The following PLD5 variants were observed in gnomAD, a reference collection of about 807,000 sequenced individuals.
PLD5 encodes the protein inactive phospholipase D5.
Under a neutral mutation model 61.1 loss-of-function variants are expected in PLD5, and 36 were observed. That is an observed-to-expected ratio of 0.59 (90% confidence interval 0.45 to 0.78). PLD5 has a LOEUF of 0.78. PLD5 is among the 30% of genes least tolerant of loss of function. The probability of loss-of-function intolerance (pLI) is 0.00; values close to 1 mark genes in which losing one functional copy is unlikely to be tolerated. For missense variants in PLD5, 515 were observed against 644.4 expected (o/e 0.80, Z 2.17); for synonymous variants, 243 against 242.8 (o/e 1.00, Z -0.01).
intron 1 of PLD5, among the ~76,000 whole-genome samples, chr1:242,391,229 A>G (rs11809951): frequency 0.28 from 41,996 of 152,076 alleles, 6,152 homozygotes; most frequent in Middle Eastern, 0.4. Context: ...CTGTTGTAGT[A>G]TTTCTGTCTG....
chr1:242,385,044 T>C (rs1171024827), intron 1 of PLD5, among the ~76,000 whole-genome samples: 3 of 152,216 alleles, frequency 2.0e-5, no homozygotes, highest in Admixed American at 6.5e-5. Flanking sequence ...CACTGGAACA[T>C]GTCAAAAGGA....
At chr1:242,155,030 A>G (rs1558280918) in intron 5 of PLD5, among the ~76,000 whole-genome samples, 1 of 152,170 alleles carries the variant, frequency 6.6e-6, no homozygotes, top group East Asian at 1.9e-4. Context: ...AGAACTTGTT[A>G]TTGATCTATT....
chr1:242,184,756 A>G (rs1015159972), intron 5 of PLD5, among the ~76,000 whole-genome samples: 1 of 152,342 alleles, frequency 6.6e-6, no homozygotes, highest in Admixed American at 6.5e-5. Flanking sequence ...TTTGGGACCC[A>G]CTGCACTATC....
chr1:242,247,262 G>C (rs1672445328), intron 4 of PLD5, among the ~76,000 whole-genome samples: 1 of 152,214 alleles, frequency 6.6e-6, no homozygotes, highest in African/African-American at 2.4e-5. Flanking sequence ...GATTACAGGC[G>C]TGAGCCACCG....
At chr1:242,471,753 A>G (rs1490643337) in intron 1 of PLD5, among the ~76,000 whole-genome samples, 1 of 152,192 alleles carries the variant, frequency 6.6e-6, no homozygotes, top group Non-Finnish European at 1.5e-5. Flanking sequence ...AACTATGACT[A>G]TTTTGGTGAG....
At chr1:242,347,591 CCTGTAAAG>C (rs145484051) in intron 2 of PLD5, among the ~76,000 whole-genome samples, 1,554 of 152,278 alleles carry the variant, frequency 0.01, 27 homozygotes, top group African/African-American at 0.035. Context: ...CATACATAAA[CCTGTAAAG>C]CTATTGTAGT....
At chr1:242,161,162 A>G (rs1415534377) in intron 5 of PLD5, among the ~76,000 whole-genome samples, 1 of 152,154 alleles carries the variant, frequency 6.6e-6, no homozygotes, top group East Asian at 1.9e-4. Flanking sequence ...GAGACTAGGT[A>G]ATTTATAAAG....
intron 6 of PLD5, among the ~76,000 whole-genome samples, chr1:242,116,068 A>G (rs1171918013): frequency 6.6e-6 from 1 of 152,170 alleles, no homozygotes; most frequent in Admixed American, 6.5e-5. Flanking sequence ...AAATAATGCC[A>G]GGGCATTATA....
chr1:242,509,745 A>T (rs563505900), intron 1 of PLD5, among the ~76,000 whole-genome samples: 2 of 152,264 alleles, frequency 1.3e-5, no homozygotes, highest in South Asian at 4.1e-4. Flanking sequence ...GGCTTATAGG[A>T]TACACTTATG....
chr1:242,403,640 A>AT (rs1005273147), intron 1 of PLD5, among the ~76,000 whole-genome samples: 39 of 146,802 alleles, frequency 2.7e-4, no homozygotes, highest in Admixed American at 4.7e-4. Flanking sequence ...AATTTTTTGT[A>AT]TTTTTTTTTT....
intron 9 of PLD5, among the ~76,000 whole-genome samples, chr1:242,098,886 C>T (rs1660463923): frequency 6.6e-6 from 1 of 152,172 alleles, no homozygotes. Context: ...TATTGGTGAA[C>T]AGCAAAGGTT....
chr1:242,212,589 C>T (rs759378220), intron 5 of PLD5, among the ~76,000 whole-genome samples: 1 of 152,132 alleles, frequency 6.6e-6, no homozygotes, highest in Non-Finnish European at 1.5e-5. Flanking sequence ...AAGGTTTGTG[C>T]AGCAGGCAGC....
At chr1:242,137,390 T>C (rs2148777786) in intron 5 of PLD5, among the ~76,000 whole-genome samples, 1 of 152,320 alleles carries the variant, frequency 6.6e-6, no homozygotes, top group East Asian at 1.9e-4. Flanking sequence ...AATCTGCCTT[T>C]CTTTACCTAA....
Position 242,524,082 on chromosome 1 carries a change from C to A in PLD5, c.189+6G>T. Reference sequence around the variant, plus strand: ...GCCGAGGCCCCCGGGAGCGAGTCGCCCTTACGTGCTCCAGCTTGTCTTTCC... The same window carrying A: ...GCCGAGGCCCCCGGGAGCGAGTCGCACTTACGTGCTCCAGCTTGTCTTTCC... On this transcript the variant is annotated splice_donor_region_variant and intron_variant, in intron 1 of 9. Transcript: ENST00000536534. The A allele has an allele frequency of 6.5e-7, 1 of 1,533,546 alleles. No homozygotes were observed. The highest frequency in any genetic ancestry group is 8.7e-7 in the Non-Finnish European group (1 of 1,145,592). The allele number at this position is 1,533,546 out of a possible 1,614,324, so 95.0% of individuals were successfully genotyped here.
intron 6 of PLD5, 31 bp from the exon 7 acceptor site, chr1:242,114,057 G>A (rs375817268): frequency 6.7e-5 from 107 of 1,598,338 alleles, no homozygotes; most frequent in African/African-American, 2.3e-4. Context: ...AACTTTTAGC[G>A]TACTAATTTT....
chr1:242,167,503 C>CT (rs1666415381), intron 5 of PLD5, among the ~76,000 whole-genome samples: 1 of 152,220 alleles, frequency 6.6e-6, no homozygotes, highest in African/African-American at 2.4e-5. Flanking sequence ...CACCAGGTCC[C>CT]TTCCATGACA....
At chr1:242,440,532 A>G (rs561350134) in intron 1 of PLD5, among the ~76,000 whole-genome samples, 2 of 152,364 alleles carry the variant, frequency 1.3e-5, no homozygotes, top group East Asian at 3.9e-4. Flanking sequence ...TAATCCATTT[A>G]TCAACATCTA....
At chr1:242,199,418 C>T (rs771040261) in intron 5 of PLD5, among the ~76,000 whole-genome samples, 1 of 152,020 alleles carries the variant, frequency 6.6e-6, no homozygotes, top group Non-Finnish European at 1.5e-5. Flanking sequence ...CCACGCCCAG[C>T]TAATTTTTGT....
intron 3 of PLD5, among the ~76,000 whole-genome samples, chr1:242,275,161 A>G (rs1674345031): frequency 6.6e-6 from 1 of 152,164 alleles, no homozygotes; most frequent in Non-Finnish European, 1.5e-5. Context: ...TCTTAAGAAA[A>G]TAAGATTTAG....
Sources: gnomAD v4.1 joint callset for allele counts (sites outside exome capture counted in the v4.1 genomes callset) on GRCh38, gnomAD v4.1.1 for gene constraint, MANE v1.5 for transcripts, NCBI Gene and HGNC (gene_info 2026-07-23, HGNC 2026-07-21) for gene names.